Variants in ACVR1C observed in about 807,000 individuals in gnomAD.
ACVR1C encodes the protein activin receptor type-1C.
In ACVR1C, 23 loss-of-function variants were observed where a neutral mutation model predicts 57.9. The observed-to-expected ratio is 0.40, with a 90% confidence interval of 0.29 to 0.56. The LOEUF (loss-of-function observed/expected upper bound fraction) is 0.56. ACVR1C is among the 20% of genes least tolerant of loss of function. The pLI is 0.50. For missense variants in ACVR1C, 480 were observed against 607.9 expected, an observed-to-expected ratio of 0.79 and a Z score of 2.21; for synonymous variants, 214 against 215.3, an observed-to-expected ratio of 0.99 and a Z score of 0.05.
chr2:157,592,042 A>T (rs1689062911), intron 1 of ACVR1C, among the ~76,000 whole-genome samples: 1 of 152,144 alleles, frequency 6.6e-6, no homozygotes, highest in Non-Finnish European at 1.5e-5. Flanking sequence ...TAACTAATTA[A>T]CAATTGAAAA....
intron 2 of ACVR1C, among the ~76,000 whole-genome samples, chr2:157,575,018 T>TAGAGCTA (rs1688608632): frequency 6.6e-6 from 1 of 152,178 alleles, no homozygotes; most frequent in Non-Finnish European, 1.5e-5. Flanking sequence ...CTAGAGTATA[T>TAGAGCTA]TGGTGCAATC....
chr2:157,593,071 G>A (rs1381643450), intron 1 of ACVR1C, among the ~76,000 whole-genome samples: 2 of 151,800 alleles, frequency 1.3e-5, no homozygotes, highest in African/African-American at 2.4e-5. Context: ...TTGCCAATTC[G>A]TCTCTAAAAG....
At position 157,573,776 on chromosome 2, in the gene ACVR1C, C is replaced by T. The variant is rs560527985; in HGVS notation, c.304+13411G>A. Among the ~76,000 whole-genome samples, 16 of 152,108 alleles carry T rather than the reference C, an allele frequency of 1.1e-4. No homozygotes were observed. In the East Asian group the frequency reaches 3.1e-3, roughly 29 times the overall value. The stretch of plus-strand genomic sequence containing the variant: ...TGACTCTGCTATCACCCAGAGTCTA[C>T]AGAAATCAATTCTGTCACAAACCAA... On this transcript the variant is annotated intron_variant, in intron 2 of 8. Coordinates refer to ENST00000243349, the MANE Select transcript of ACVR1C (RefSeq NM_145259.3).
rs527333555 is a variant in ACVR1C, at chr2:157,533,918, T to C, written c.1482A>G (p.Ter494=). ...TTTCTTTTTAACATAATTATCATCA[T>C]TAGGCTTTGCAGTCTTCTTTGACAC... The part of the protein sequence containing the change: ...QLCVKEDCKA[*] Residue 494 remains the stop codon, a stop_retained_variant, in exon 9 of 9, where the codon TAA becomes TAG. Coordinates refer to ENST00000243349, the MANE Select transcript of ACVR1C (RefSeq NM_145259.3). The C allele has an allele frequency of 6.4e-7, 1 of 1,566,736 alleles. No individual in the cohort carries two copies. Among genetic ancestry groups the C allele is most frequent in the East Asian group, 2.3e-5 (1 of 43,570 alleles).
At position 157,542,716 on chromosome 2, in the gene ACVR1C, C is replaced by G; in HGVS notation, c.1090G>C (p.Gly364Arg). The G allele has an allele frequency of 6.2e-7, 1 of 1,612,274 alleles. No homozygotes were observed. Residue 364 changes from glycine to arginine, a missense_variant, in exon 6 of 9, where the codon GGA (glycine) becomes CGA (arginine). By Grantham distance (125) the Gly-to-Arg change is moderately radical. Transcript: ENST00000243349. ...AGTCAGTCGTCTTACCTCTTGGTTC[C>G]CACTTTAGGATTCTGAGGTATGTCG... ...TIDIPQNPKVGTKRYMAPEML... is the reference protein window; with the variant it reads ...TIDIPQNPKVRTKRYMAPEML...
At chr2:157,617,697 G>T (rs1682684102) in intron 1 of ACVR1C, among the ~76,000 whole-genome samples, 1 of 151,906 alleles carries the variant, frequency 6.6e-6, no homozygotes, top group Non-Finnish European at 1.5e-5. Flanking sequence ...GTATTTCAAA[G>T]AAAATATACT....
At chr2:157,626,313 C>T (rs1038466353) in intron 1 of ACVR1C, among the ~76,000 whole-genome samples, 1 of 152,172 alleles carries the variant, frequency 6.6e-6, no homozygotes, top group African/African-American at 2.4e-5. Flanking sequence ...AACAGTTTTT[C>T]TAAGTCTCTA....
At chr2:157,566,138 T>C (rs1363975586) in intron 2 of ACVR1C, among the ~76,000 whole-genome samples, 2 of 152,186 alleles carry the variant, frequency 1.3e-5, no homozygotes, top group South Asian at 2.1e-4. Flanking sequence ...ATAACTTAGA[T>C]AGTAATTATT....
intron 4 of ACVR1C, among the ~76,000 whole-genome samples, chr2:157,546,371 G>A (rs1008641745): frequency 6.6e-6 from 1 of 152,124 alleles, no homozygotes; most frequent in Non-Finnish European, 1.5e-5. Flanking sequence ...ATCAGAAATG[G>A]CAAATCATCA....
intron 1 of ACVR1C, among the ~76,000 whole-genome samples, chr2:157,618,525 C>T (rs1412738152): frequency 1.3e-5 from 2 of 151,424 alleles, no homozygotes; most frequent in African/African-American, 4.8e-5. Flanking sequence ...AAAAGCAGGA[C>T]CCAAACATAT....
chr2:157,564,269 G>GA (rs1415827367), intron 2 of ACVR1C, among the ~76,000 whole-genome samples: 3 of 151,902 alleles, frequency 2.0e-5, no homozygotes, highest in Admixed American at 1.3e-4. Flanking sequence ...AAGTTTACAA[G>GA]AAAAAAATCC....
intron 1 of ACVR1C, among the ~76,000 whole-genome samples, chr2:157,608,997 A>G (rs1471459706): frequency 6.6e-6 from 1 of 151,074 alleles, no homozygotes; most frequent in East Asian, 1.9e-4. Flanking sequence ...GATCTTTATT[A>G]TTTCTTTTCT....
intron 1 of ACVR1C, among the ~76,000 whole-genome samples, chr2:157,602,052 G>A (rs1280601120): frequency 2.6e-5 from 4 of 152,028 alleles, no homozygotes; most frequent in African/African-American, 7.2e-5. Context: ...TCTGATTAAC[G>A]TTTCCCTTGG....
intron 1 of ACVR1C, among the ~76,000 whole-genome samples, chr2:157,600,345 T>C (rs1417881000): frequency 1.3e-5 from 2 of 152,166 alleles, no homozygotes; most frequent in African/African-American, 2.4e-5. Flanking sequence ...AAATATGCCA[T>C]GAAATACAAA....
At chr2:157,554,243 G>GAA (rs1411166596) in intron 3 of ACVR1C, among the ~76,000 whole-genome samples, 2 of 118,668 alleles carry the variant, frequency 1.7e-5, no homozygotes, top group African/African-American at 7.9e-5. Flanking sequence ...AAGAAAGAAA[G>GAA]AAAGAAAGAA....
At position 157,556,214 on chromosome 2, in the gene ACVR1C, G is replaced by A. The variant is rs1381778155; in HGVS notation, c.423C>T (p.Cys141=). Residue 141 remains cysteine (C), a synonymous_variant, in exon 3 of 9, where the codon TGC becomes TGT. Transcript: ENST00000243349. ...LTVWACQGRQ[C]SYRKKKRPNV... ...TTGGTCTCTTTTTCTTCCTGTAGGA[G>A]CACTGTCGACCCTGGCATGCCCATA... 6.2e-7 allele frequency: 1 copy of A among 1,613,934 alleles called. No individual in the cohort carries two copies. The highest frequency in any genetic ancestry group is 2.2e-5 in the East Asian group (1 of 44,896).
chr2:157,529,002 CA>C lies in ACVR1C; in HGVS notation c.*4915del, dbSNP rs766543619. The C allele has an allele frequency of 1.3e-5, 2 of 152,054 alleles. No homozygotes were observed. The highest frequency in any genetic ancestry group is 1.9e-4 in the East Asian group (1 of 5,184). The allele number at this position is 152,054 out of a possible 1,614,324, so 9.4% of individuals were successfully genotyped here. A position where few individuals can be genotyped will look rare whatever the true frequency, so the allele number is the denominator to read the frequency against. ...GTGACTTGGGATTGATGAGATCTGC[CA>C]AACATTTTTTAATGCACTAAAAGAA... On this transcript the variant is annotated 3_prime_UTR_variant, in exon 9 of 9. Transcript: ENST00000243349.
chr2:157,544,688 T>C, intron 4 of ACVR1C, 76 bp from the exon 5 acceptor site: 11 of 1,298,268 alleles, frequency 8.5e-6, no homozygotes, highest in Non-Finnish European at 9.7e-6. Context: ...AATATCAGTG[T>C]TTAATCTGTA....
rs887649167 is a variant in ACVR1C, at chr2:157,528,967, G to A, written c.*4951C>T. 3 of 152,048 alleles carry A rather than the reference G, an allele frequency of 2.0e-5. No individual in the cohort carries two copies. Among genetic ancestry groups the A allele is most frequent in the African/African-American group, 7.2e-5 (3 of 41,408 alleles). 9.4% of individuals were successfully genotyped at this position (152,048 alleles called of 1,614,324 possible). ...TTAAACGACAACTAAAGAAATACAG[G>A]AATTATAGAGTGACTTGGGATTGAT... On this transcript the variant is annotated 3_prime_UTR_variant, in exon 9 of 9. Transcript: ENST00000243349.
Sources: gnomAD v4.1 joint callset for allele counts (sites outside exome capture counted in the v4.1 genomes callset) on GRCh38, gnomAD v4.1.1 for gene constraint, MANE v1.5 for transcripts, NCBI Gene and HGNC (gene_info 2026-07-23, HGNC 2026-07-21) for gene names.